Variants in COG5 observed in about 807,000 individuals in gnomAD.
COG5 encodes the protein component of oligomeric golgi complex 5.
In COG5, 86 loss-of-function variants were observed where a neutral mutation model predicts 110.4. The observed-to-expected ratio is 0.78, with a 90% CI of 0.65 to 0.93. COG5 has a LOEUF of 0.93. Among genes scored for constraint, COG5 ranks in the 40% least tolerant of loss-of-function variants. The pLI is 0.00. For synonymous variants in COG5, 360 were observed against 334.6 expected (o/e 1.08, Z -0.83); for missense variants, 1,077 against 987.0 (o/e 1.09, Z -1.22).
At chr7:107,418,932 G>A (rs1793079535) in intron 6 of COG5, among the ~76,000 whole-genome samples, 1 of 152,030 alleles carries the variant, frequency 6.6e-6, no homozygotes, top group South Asian at 2.1e-4. Context: ...ATGCCACCAT[G>A]TCCAGCTAAT....
chr7:107,427,124 T>G (rs1793692115), intron 6 of COG5, among the ~76,000 whole-genome samples: 1 of 152,204 alleles, frequency 6.6e-6, no homozygotes. Context: ...TTCATCTATA[T>G]GATCATAAAC....
intron 7 of COG5, among the ~76,000 whole-genome samples, chr7:107,381,287 G>A (rs1243624276): frequency 6.6e-6 from 1 of 152,178 alleles, no homozygotes; most frequent in Admixed American, 6.5e-5. Flanking sequence ...ATAGTGCAGA[G>A]GGTCCCTGAA....
At chr7:107,447,134 TG>T in intron 6 of COG5, among the ~76,000 whole-genome samples, 1 of 152,266 alleles carries the variant, frequency 6.6e-6, no homozygotes, top group Middle Eastern at 3.4e-3. Context: ...GCCTGTCAGC[TG>T]GGGGATATTC....
chr7:107,439,604 T>C (rs752287789), intron 6 of COG5, among the ~76,000 whole-genome samples: 1 of 151,992 alleles, frequency 6.6e-6, no homozygotes, highest in Non-Finnish European at 1.5e-5. Flanking sequence ...TAATTATATT[T>C]CTTAAATATA....
intron 18 of COG5, among the ~76,000 whole-genome samples, chr7:107,231,427 C>T (rs1229543539): frequency 6.6e-6 from 1 of 152,144 alleles, no homozygotes; most frequent in Non-Finnish European, 1.5e-5. Context: ...TTATTTTCCT[C>T]CTTTGACTGG....
At chr7:107,245,884 C>A (rs1047503711) in intron 17 of COG5, among the ~76,000 whole-genome samples, 9 of 151,964 alleles carry the variant, frequency 5.9e-5, no homozygotes, top group Non-Finnish European at 1.2e-4. Context: ...CAGATGGGAC[C>A]AAAAAAGAGC....
intron 6 of COG5, among the ~76,000 whole-genome samples, chr7:107,464,809 C>A (rs1796203916): frequency 6.6e-6 from 1 of 152,098 alleles, no homozygotes; most frequent in Admixed American, 6.6e-5. Flanking sequence ...CCTCCAAGTC[C>A]CTGGCAAAGG....
Position 107,209,728 on chromosome 7 carries a change from C to T in COG5, c.2375+798G>A, listed in dbSNP as rs192681067. On this transcript the variant is annotated intron_variant, in intron 21 of 21. Transcript: ENST00000297135. ...GACAGGGCCATATCTCGGCTTACTT[C>T]GTATCCTCGGTTCCTGGCCCAGGGC... The T allele has an allele frequency of 3.7e-5, 28 of 757,050 alleles. No individual in the cohort carries two copies. In the East Asian group the frequency reaches 1.8e-3, roughly 49 times the overall value. 46.9% of individuals were successfully genotyped at this position (757,050 alleles called of 1,614,324 possible). A position where few individuals can be genotyped will look rare whatever the true frequency, so the allele number is the denominator to read the frequency against.
chr7:107,400,027 T>A (rs1258858902), intron 7 of COG5, among the ~76,000 whole-genome samples: 1 of 150,510 alleles, frequency 6.6e-6, no homozygotes, highest in Non-Finnish European at 1.5e-5. Flanking sequence ...AACATAATAG[T>A]CTTTGCAAAA....
chr7:107,365,486 G>C (rs958422509), intron 8 of COG5, among the ~76,000 whole-genome samples: 3 of 148,978 alleles, frequency 2.0e-5, no homozygotes, highest in Admixed American at 6.8e-5. Flanking sequence ...GAAGTAAATT[G>C]CTCTTAAAAC....
At chr7:107,455,029 T>C (rs1433479317) in intron 6 of COG5, among the ~76,000 whole-genome samples, 1 of 152,182 alleles carries the variant, frequency 6.6e-6, no homozygotes, top group Non-Finnish European at 1.5e-5. Context: ...AAACACCTTA[T>C]ACCTAAGTAC....
intron 7 of COG5, among the ~76,000 whole-genome samples, chr7:107,384,078 T>A (rs1280909265): frequency 6.6e-6 from 1 of 152,194 alleles, no homozygotes; most frequent in East Asian, 1.9e-4. Flanking sequence ...TTTTGATACA[T>A]GTCTTCTAAT....
At chr7:107,373,911 A>C (rs1445875260) in intron 7 of COG5, among the ~76,000 whole-genome samples, 6 of 152,210 alleles carry the variant, frequency 3.9e-5, no homozygotes, top group African/African-American at 1.4e-4. Context: ...TTATTTTAAT[A>C]ATAGTACATG....
chr7:107,208,106 A>C, intron 21 of COG5: 1 of 985,446 alleles, frequency 1.0e-6, no homozygotes, highest in Non-Finnish European at 1.2e-6. Context: ...AAGAAAGAAC[A>C]TTCTCTAGGA....
At chr7:107,302,419 T>C (rs954356600) in intron 11 of COG5, among the ~76,000 whole-genome samples, 43 of 152,302 alleles carry the variant, frequency 2.8e-4, no homozygotes, top group Middle Eastern at 3.4e-3. Context: ...AAGGAAACTT[T>C]TGGCAGTGAT....
intron 7 of COG5, among the ~76,000 whole-genome samples, chr7:107,404,885 G>GAAAA (rs59988899): frequency 5.6e-4 from 18 of 32,364 alleles, no homozygotes; most frequent in East Asian, 9.4e-4. Flanking sequence ...TTCAGAAGAT[G>GAAAA]AAAAAAAAAA....
rs1015532901 is a variant in COG5 at position 107,301,520 on chromosome 7, T to A, written c.1109-3174A>T. Among the ~76,000 whole-genome samples, 3 of 152,126 alleles carry A rather than the reference T, an allele frequency of 2.0e-5. No homozygotes were observed. In the East Asian group the frequency reaches 5.8e-4, roughly 29 times the overall value. ...TCTTTAGTCAATAGGGAAATGCAAA[T>A]TAAAACCACAATGAGATACAACTAC... On this transcript the variant is annotated intron_variant, in intron 11 of 21. Coordinates refer to ENST00000297135, the MANE Select transcript of COG5 (RefSeq NM_006348.5).
At chr7:107,294,976 T>TAC (rs2116890700) in intron 12 of COG5, among the ~76,000 whole-genome samples, 2 of 128,874 alleles carry the variant, frequency 1.6e-5, no homozygotes, top group Admixed American at 7.9e-5. Flanking sequence ...CATATATATA[T>TAC]ACACATATAT....
chr7:107,557,696 C>T (rs1251713569), intron 2 of COG5, among the ~76,000 whole-genome samples: 1 of 152,114 alleles, frequency 6.6e-6, no homozygotes, highest in African/African-American at 2.4e-5. Flanking sequence ...TTATCTTTAT[C>T]GAACACATCC....
Sources: allele counts gnomAD v4.1 joint callset (sites outside exome capture counted in the v4.1 genomes callset), GRCh38; gene constraint gnomAD v4.1.1; transcripts MANE v1.5; gene names NCBI Gene and HGNC (gene_info 2026-07-23, HGNC 2026-07-21).